The following PTPRD variants were observed in gnomAD, a reference collection of about 807,000 sequenced individuals.
PTPRD encodes receptor-type tyrosine-protein phosphatase delta.
PTPRD carries 34 observed loss-of-function variants against 214.5 expected under a neutral mutation model. The observed-to-expected ratio is 0.16, with a 90% CI of 0.12 to 0.21. The LOEUF is 0.21. PTPRD is among the 10% of genes least tolerant of loss of function. PTPRD has a pLI of 1.00. For synonymous variants in PTPRD, 1,128 were observed against 845.7 expected, an observed-to-expected ratio of 1.33 and a Z score of -5.79; for missense variants, 2,545 against 2,398.7, an observed-to-expected ratio of 1.06 and a Z score of -1.27.
chr9:9,500,268 G>A (rs1306176137), intron 8 of PTPRD, among the ~76,000 whole-genome samples: 4 of 152,040 alleles, frequency 2.6e-5, no homozygotes, highest in Non-Finnish European at 4.4e-5. Context: ...TTGGCCTCTC[G>A]ATGTAAACAA....
chr9:10,497,353 T>A (rs537711328), intron 2 of PTPRD, among the ~76,000 whole-genome samples: 8 of 152,104 alleles, frequency 5.3e-5, no homozygotes, highest in African/African-American at 1.7e-4. Context: ...ACGTGACATA[T>A]ACATGTATAC....
intron 9 of PTPRD, among the ~76,000 whole-genome samples, chr9:9,255,047 T>C (rs1028791874): frequency 1.3e-5 from 2 of 152,026 alleles, no homozygotes; most frequent in Non-Finnish European, 2.9e-5. Flanking sequence ...AAGAACAAAA[T>C]ACAGTTCAGC....
At chr9:8,739,918 G>C (rs2091481736) in intron 11 of PTPRD, among the ~76,000 whole-genome samples, 1 of 152,140 alleles carries the variant, frequency 6.6e-6, no homozygotes, top group Non-Finnish European at 1.5e-5. Context: ...TGCCATGTGA[G>C]ATGTGACTTT....
chr9:10,005,268 A>C (rs1024171803), intron 4 of PTPRD, among the ~76,000 whole-genome samples: 2 of 152,098 alleles, frequency 1.3e-5, no homozygotes, highest in African/African-American at 2.4e-5. Context: ...ACCTTAAAAC[A>C]TGCTACCACT....
chr9:9,451,764 A>G (rs1397300349), intron 8 of PTPRD, among the ~76,000 whole-genome samples: 1 of 151,652 alleles, frequency 6.6e-6, no homozygotes, highest in Non-Finnish European at 1.5e-5. Context: ...AAAAGCAACC[A>G]AATAGTTTTT....
chr9:9,807,384 T>A (rs1247211694), intron 5 of PTPRD, among the ~76,000 whole-genome samples: 2 of 152,114 alleles, frequency 1.3e-5, no homozygotes, highest in African/African-American at 4.8e-5. Context: ...AATCCTGATT[T>A]CACGAAACAG....
At chr9:10,302,527 G>A (rs998708054) in intron 3 of PTPRD, among the ~76,000 whole-genome samples, 7 of 152,140 alleles carry the variant, frequency 4.6e-5, no homozygotes, top group Non-Finnish European at 8.8e-5. Context: ...CCCATCTCAC[G>A]TGCAAAGACA....
At chr9:9,124,313 T>A (rs1462720570) in intron 10 of PTPRD, among the ~76,000 whole-genome samples, 21 of 152,212 alleles carry the variant, frequency 1.4e-4, no homozygotes, top group Admixed American at 1.4e-3. Context: ...AGTAAGATTC[T>A]TTCTAACTAT....
intron 3 of PTPRD, among the ~76,000 whole-genome samples, chr9:10,064,629 C>G (rs941939952): frequency 6.6e-6 from 1 of 151,804 alleles, no homozygotes; most frequent in Non-Finnish European, 1.5e-5. Context: ...AACATCCTCC[C>G]TCTTACAAAA....
chr9:10,071,043 T>C (rs2098001770), intron 3 of PTPRD, among the ~76,000 whole-genome samples: 1 of 152,042 alleles, frequency 6.6e-6, no homozygotes, highest in Admixed American at 6.6e-5. Context: ...AAATACGTGG[T>C]ATAAATTTAA....
At chr9:8,567,327 T>A (rs1014775231) in intron 14 of PTPRD, among the ~76,000 whole-genome samples, 2 of 152,218 alleles carry the variant, frequency 1.3e-5, no homozygotes, top group Non-Finnish European at 2.9e-5. Context: ...AAATGTTCTT[T>A]AAGGCATAGC....
At chr9:9,117,617 C>A (rs1234151134) in intron 10 of PTPRD, among the ~76,000 whole-genome samples, 1 of 152,060 alleles carries the variant, frequency 6.6e-6, no homozygotes. Flanking sequence ...AGCCATGCAG[C>A]AACCTCATTA....
intron 8 of PTPRD, among the ~76,000 whole-genome samples, chr9:9,398,917 T>A (rs1311457143): frequency 6.6e-6 from 1 of 152,018 alleles, no homozygotes; most frequent in Non-Finnish European, 1.5e-5. Flanking sequence ...GTTGCTAATT[T>A]TATACTCCTA....
chr9:9,823,533 T>C (rs974685706), intron 5 of PTPRD, among the ~76,000 whole-genome samples: 2 of 152,042 alleles, frequency 1.3e-5, no homozygotes, highest in East Asian at 1.9e-4. Context: ...ATATACTATA[T>C]GATATTATTC....
chr9:8,353,518 C>T (rs981632835), intron 39 of PTPRD, among the ~76,000 whole-genome samples: 6 of 150,986 alleles, frequency 4.0e-5, no homozygotes, highest in Admixed American at 2.0e-4. Flanking sequence ...TCGTAAACTC[C>T]GTTTCCTGGG....
chr9:9,810,609 G>GAA (rs879878025), intron 5 of PTPRD, among the ~76,000 whole-genome samples: 1 of 132,358 alleles, frequency 7.6e-6, no homozygotes. Flanking sequence ...TTGCTCAGAA[G>GAA]AAAAAAAAAA....
chr9:9,906,795 A>G (rs1341683345), intron 5 of PTPRD, among the ~76,000 whole-genome samples: 1 of 151,930 alleles, frequency 6.6e-6, no homozygotes. Context: ...GACCACTGTT[A>G]GTTTTCAAAA....
intron 11 of PTPRD, among the ~76,000 whole-genome samples, chr9:8,749,980 G>A (rs892927166): frequency 6.6e-6 from 1 of 151,860 alleles, no homozygotes; most frequent in African/African-American, 2.4e-5. Context: ...GCGGTCGCCT[G>A]TAGTCCCAGC....
intron 11 of PTPRD, among the ~76,000 whole-genome samples, chr9:9,015,667 C>T (rs2099531784): frequency 6.6e-6 from 1 of 152,152 alleles, no homozygotes; most frequent in Non-Finnish European, 1.5e-5. Flanking sequence ...CAACAACCCT[C>T]TCTTGGGTGG....
Sources: allele counts gnomAD v4.1 joint callset (sites outside exome capture counted in the v4.1 genomes callset), GRCh38; gene constraint gnomAD v4.1.1; transcripts MANE v1.5; gene names NCBI Gene and HGNC (gene_info 2026-07-23, HGNC 2026-07-21).